The following UNC13A variants were observed in gnomAD, a reference collection of about 807,000 sequenced individuals.
UNC13A encodes protein unc-13 homolog A.
In UNC13A, 61 loss-of-function variants were observed where a neutral mutation model predicts 219.7. The observed-to-expected ratio is 0.28, with a 90% CI of 0.23 to 0.34. The LOEUF (loss-of-function observed/expected upper bound fraction) is 0.34, where lower values mean the gene tolerates loss of function less well. Among genes scored for constraint, UNC13A ranks in the 10% least tolerant of loss-of-function variants. The probability of loss-of-function intolerance (pLI) is 1.00; values close to 1 mark genes in which losing one functional copy is unlikely to be tolerated. For synonymous variants in UNC13A, 920 were observed against 884.6 expected (o/e 1.04, Z -0.71); for missense variants, 1,476 against 2,270.3 (o/e 0.65, Z 7.11).
chr19:17,616,925 C>T (rs932276931), intron 41 of UNC13A, among the ~76,000 whole-genome samples: 3 of 152,196 alleles, frequency 2.0e-5, no homozygotes, highest in Non-Finnish European at 4.4e-5. Context: ...GGGAATCCTG[C>T]CCTCCATCCA....
chr19:17,630,689 G>C lies in UNC13A; in HGVS notation c.3490C>G (p.Leu1164Val). Residue 1164 changes from leucine (L) to valine (V), a missense_variant, in exon 29 of 44, where the codon CTG (leucine) becomes GTG (valine). Physicochemically the swap from Leu to Val is conservative, Grantham distance 32. This residue lies in a region of UNC13A where 218 missense variants were observed against 409.4 expected (regional missense o/e 0.53). Transcript: ENST00000519716. ...DENEEVSRDF[L>V]HGALERDKKD... ...TTGTCTCGCTCCAGGGCACCGTGCA[G>C]GAAATCCCGGGACACCTCCTCATTC... The C allele has an allele frequency of 6.2e-7, 1 of 1,613,904 alleles. No individual in the cohort carries two copies. The highest frequency in any genetic ancestry group is 1.1e-5 in the South Asian group (1 of 91,076).
chr19:17,668,344 G>A (rs1018950293), intron 5 of UNC13A, among the ~76,000 whole-genome samples, 154 bp from the exon 6 acceptor site: 4 of 152,164 alleles, frequency 2.6e-5, no homozygotes, highest in African/African-American at 9.7e-5. Flanking sequence ...TCTCAGGAGG[G>A]TGGATGGAGA....
Position 17,649,952 on chromosome 19 carries a change from A to G in UNC13A, c.1440-365T>C, listed in dbSNP as rs1290138390. ...AAGGAATTCAAGCAAACTAGAAGCT[A>G]GAAGAGGCAGGGGAGGAATTCTCTT... On this transcript the variant is annotated intron_variant, in intron 12 of 43. Transcript: ENST00000519716. The surrounding 1 kb of genome is among the most constrained non-coding windows in gnomAD (Gnocchi z 4.4). 6.6e-6 allele frequency among the ~76,000 whole-genome samples: 1 copy of G among 152,188 alleles called. No individual in the cohort carries two copies. The highest frequency in any genetic ancestry group is 2.4e-5 in the African/African-American group (1 of 41,444).
At chr19:17,666,197 C>T (rs370455053) in intron 7 of UNC13A, among the ~76,000 whole-genome samples, 1 of 6,422 alleles carries the variant, frequency 1.6e-4, no homozygotes, top group African/African-American at 8.5e-4. Flanking sequence ...CTCTTTCTCT[C>T]TTTCTTTCTC....
Position 17,658,142 on chromosome 19 carries a change from G to C in UNC13A, c.687C>G (p.Arg229=). Residue 229 remains arginine, a synonymous_variant, in exon 9 of 44, where the codon CGC becomes CGG. Coordinates refer to ENST00000519716, the MANE Select transcript of UNC13A (RefSeq NM_001080421.3). ...ACTCCCGGGAGCCCAGGGGTGGTGGGCGAACAGAATATTGGTGGACTGAGG... is the reference window on the plus strand; with the variant it reads ...ACTCCCGGGAGCCCAGGGGTGGTGGCCGAACAGAATATTGGTGGACTGAGG... ...PNASVHQYSV[R]PPPLGSRESY... is the part of the protein sequence containing the mutation. 1 of 1,613,952 alleles carries C rather than the reference G, an allele frequency of 6.2e-7. No homozygotes were observed. The highest frequency in any genetic ancestry group is 8.5e-7 in the Non-Finnish European group (1 of 1,179,892).
rs147542439 is a variant in UNC13A, at chr19:17,632,964, G to A, written c.3302-56C>T. 1,094 of 1,612,080 alleles carry A rather than the reference G, an allele frequency of 6.8e-4. 6 individuals are homozygous for A. In the African/African-American group the frequency reaches 9.6e-3, roughly 14 times the overall value. Reference sequence around the variant, plus strand: ...GGAAGGGTCTGCCACCCTCTGTCTCGGCAGAGAGGCTGCCTACTCTGGCCA... The same window carrying A: ...GGAAGGGTCTGCCACCCTCTGTCTCAGCAGAGAGGCTGCCTACTCTGGCCA... On this transcript the variant is annotated intron_variant, in intron 27 of 43. Transcript: ENST00000519716.
intron 1 of UNC13A, among the ~76,000 whole-genome samples, chr19:17,681,186 C>G (rs528193926): frequency 6.7e-6 from 1 of 149,712 alleles, no homozygotes; most frequent in Admixed American, 6.8e-5. Context: ...GCGTGAACCA[C>G]ATGGCTGACT....
At chr19:17,636,550 T>C (rs1365580824) in intron 25 of UNC13A, among the ~76,000 whole-genome samples, 2 of 152,160 alleles carry the variant, frequency 1.3e-5, no homozygotes, top group Non-Finnish European at 2.9e-5. Context: ...CTGAATGGAG[T>C]GCAATTCAAC....
intron 28 of UNC13A, among the ~76,000 whole-genome samples, chr19:17,631,177 C>CCTTT (rs1395372256): frequency 2.7e-4 from 3 of 11,308 alleles, no homozygotes; most frequent in African/African-American, 4.7e-4. Context: ...CTCCCTCCCT[C>CCTTT]CTTTCCTTCC....
intron 38 of UNC13A, among the ~76,000 whole-genome samples, chr19:17,620,420 G>A (rs1042520209): frequency 2.0e-5 from 3 of 152,030 alleles, no homozygotes; most frequent in African/African-American, 7.3e-5. Flanking sequence ...AGTTACTCAG[G>A]GGTCCAGCGG....
At chr19:17,683,483 C>A (rs1015057296) in intron 1 of UNC13A, among the ~76,000 whole-genome samples, 2 of 151,434 alleles carry the variant, frequency 1.3e-5, no homozygotes, top group African/African-American at 4.9e-5. Context: ...AGATGAGAAA[C>A]CCCATCTCTA....
At chr19:17,658,536 T>TA (rs1398544479) in intron 8 of UNC13A, among the ~76,000 whole-genome samples, 1 of 151,984 alleles carries the variant, frequency 6.6e-6, no homozygotes, top group Non-Finnish European at 1.5e-5. Flanking sequence ...AGGGACAGAG[T>TA]AGAGGGCATC....
In UNC13A at chr19:17,656,095, G is replaced by T. The variant is rs201556079; in HGVS notation, c.1071C>A (p.Ser357Arg). Residue 357 changes from serine to arginine, a missense_variant, in exon 10 of 44, where the codon AGC becomes AGA. Transcript: ENST00000519716. ...EEEEVPDDLG[S>R]YAQREDVAVA... ...CAGCTACGTCTTCACGCTGGGCATA[G>T]CTGCCCAAATCGTCAGGCACCTCCT... The T allele has an allele frequency of 1.2e-4, 188 of 1,552,886 alleles. 1 individual carries two copies. Among genetic ancestry groups the T allele is most frequent in the Middle Eastern group, 1.0e-3 (6 of 5,994 alleles).
At chr19:17,678,737 C>G (rs966131303) in intron 1 of UNC13A, among the ~76,000 whole-genome samples, 1 of 151,876 alleles carries the variant, frequency 6.6e-6, no homozygotes, top group Non-Finnish European at 1.5e-5. Flanking sequence ...GGAGGTCCAG[C>G]CTGCAGGCGT....
At chr19:17,637,135 T>A (rs2076920303) in intron 25 of UNC13A, among the ~76,000 whole-genome samples, 2 of 150,878 alleles carry the variant, frequency 1.3e-5, no homozygotes, top group Non-Finnish European at 3.0e-5. Context: ...CCACCACACC[T>A]GGCTAATTTT....
chr19:17,668,828 C>T (rs924330764), intron 5 of UNC13A, among the ~76,000 whole-genome samples: 1 of 152,090 alleles, frequency 6.6e-6, no homozygotes, highest in East Asian at 1.9e-4. Flanking sequence ...CAGGGTCTCG[C>T]TCTGTCACCC....
chr19:17,668,166 T>C lies in UNC13A; in HGVS notation c.419A>G (p.Tyr140Cys). The C allele has an allele frequency of 6.2e-7, 1 of 1,613,734 alleles. No individual in the cohort carries two copies. Among genetic ancestry groups the C allele is most frequent in the Non-Finnish European group, 8.5e-7 (1 of 1,179,734 alleles). The change falls in exon 6 of 44, where the codon TAC (tyrosine) becomes TGC (cysteine). Residue 140 changes from tyrosine to cysteine, a missense_variant. Physicochemically the swap from Tyr to Cys is radical, Grantham distance 194. Around this residue, in one of 14 missense-constraint regions of UNC13A, gnomAD observed 203 missense variants for 301.6 expected, o/e 0.67. Coordinates refer to ENST00000519716, the MANE Select transcript of UNC13A (RefSeq NM_001080421.3). ...GAGCTGCTCCAGCTTCTTGGCCCAG[T>C]AGCGAGCCTCCTCTTCAGGAATGTC... is the stretch of plus-strand genomic sequence containing the variant. ...PLDIPEEEARYWAKKLEQLNA... is the reference protein window; with the variant it reads ...PLDIPEEEARCWAKKLEQLNA...
rs926415071 is a variant in UNC13A, at chr19:17,674,565, G to A, written c.152+92C>T. ...GAGGGAGGACAGAGGGGAGTCACCC[G>A]GGATTCCCCAGTGTCCAGCTCTGCC... is the stretch of plus-strand genomic sequence containing the variant. On this transcript the variant is annotated intron_variant, in intron 3 of 43. Coordinates refer to ENST00000519716, the MANE Select transcript of UNC13A (RefSeq NM_001080421.3). The surrounding 1 kb of genome is among the most constrained non-coding windows in gnomAD (Gnocchi z 5.0). The A allele has an allele frequency of 2.6e-5, 29 of 1,135,100 alleles. No individual in the cohort carries two copies. The highest frequency in any genetic ancestry group is 7.2e-5 in the Admixed American group (4 of 55,322). The allele number at this position is 1,135,100 out of a possible 1,614,324, so 70.3% of individuals were successfully genotyped here.
intron 12 of UNC13A, among the ~76,000 whole-genome samples, chr19:17,651,763 C>G (rs2079353307): frequency 1.3e-5 from 2 of 152,200 alleles, no homozygotes; most frequent in African/African-American, 2.4e-5. Context: ...CCAAGGCTCT[C>G]TAGCTAGGGT....
Sources: allele counts gnomAD v4.1 joint callset (sites outside exome capture counted in the v4.1 genomes callset), GRCh38; gene constraint gnomAD v4.1.1; regional missense constraint gnomAD v4.1.1; non-coding constraint Gnocchi (gnomAD v3.1); transcripts MANE v1.5; gene names NCBI Gene and HGNC (gene_info 2026-07-23, HGNC 2026-07-21).